The following SLC25A10 variants were observed in gnomAD, a reference collection of about 807,000 sequenced individuals.
The protein encoded by SLC25A10 is mitochondrial dicarboxylate carrier.
In SLC25A10, 32 loss-of-function variants were observed where a neutral mutation model predicts 40.4. The observed-to-expected ratio is 0.79, with a 90% confidence interval of 0.60 to 1.06. The LOEUF is 1.06. Ranked by LOEUF, SLC25A10 falls within the 50% of genes least tolerant of loss-of-function variation. The pLI is 0.00. For missense variants in SLC25A10, 394 were observed against 402.6 expected (o/e 0.98, Z 0.18); for synonymous variants, 181 against 171.1 (o/e 1.06, Z -0.45).
chr17:81,717,603 G>A (rs927229321), intron 8 of SLC25A10, 112 bp downstream of exon 8: 5 of 1,350,774 alleles, frequency 3.7e-6, no homozygotes, highest in Non-Finnish European at 5.2e-6. Flanking sequence ...ATCTGGCAGT[G>A]CCCCCTGGGG....
intron 1 of SLC25A10, among the ~76,000 whole-genome samples, chr17:81,713,938 C>T (rs1383556313): frequency 2.0e-5 from 3 of 152,222 alleles, no homozygotes; most frequent in Non-Finnish European, 4.4e-5. Context: ...GAGGACTGCT[C>T]ACCAGGCCTC....
Position 81,715,055 on chromosome 17 carries a change from G to A in SLC25A10, c.196G>A (p.Ala66Thr), listed in dbSNP as rs766798554. 32 of 1,609,646 alleles carry A rather than the reference G, an allele frequency of 2.0e-5. No individual in the cohort carries two copies. Among genetic ancestry groups the A allele is most frequent in the East Asian group, 1.1e-4 (5 of 44,880 alleles). ...CCTGGCACTCTACAGCGGCCTGAGC[G>A]CCTCGCTGTGCAGACAGGTGCGTGG... is the stretch of plus-strand genomic sequence containing the variant. Reference protein sequence around the residue: ...GILALYSGLSASLCRQMTYSL... With the variant: ...GILALYSGLSTSLCRQMTYSL... Residue 66 changes from alanine to threonine, a missense_variant, in exon 2 of 11, where the codon GCC (alanine) becomes ACC (threonine). By Grantham distance (58) the Ala-to-Thr change is moderately conservative (BLOSUM62 0). Coordinates refer to ENST00000350690, the MANE Select transcript of SLC25A10 (RefSeq NM_012140.5).
At chr17:81,717,537 G>A (rs1265688615) in intron 8 of SLC25A10, 46 bp downstream of exon 8, 1 of 1,597,516 alleles carries the variant, frequency 6.3e-7, no homozygotes, top group South Asian at 1.1e-5. Flanking sequence ...GGCCGGCCTT[G>A]GGCGCTGAGG....
intron 1 of SLC25A10, chr17:81,713,533 A>G: frequency 7.2e-6 from 7 of 978,352 alleles, no homozygotes; most frequent in South Asian, 4.7e-5. Flanking sequence ...GTCTTGGGGC[A>G]CCTGAGACCT....
intron 1 of SLC25A10, among the ~76,000 whole-genome samples, chr17:81,714,478 C>T (rs897593458): frequency 6.6e-6 from 1 of 152,244 alleles, no homozygotes; most frequent in Non-Finnish European, 1.5e-5. Flanking sequence ...CCTTTCAAGG[C>T]CTTCTATGGC....
rs143207521 is a variant in SLC25A10 at position 81,715,498 on chromosome 17, G to C, written c.234G>C (p.Arg78=). 1.2e-6 allele frequency: 2 copies of C among 1,612,656 alleles called. No homozygotes were observed. The highest frequency in any genetic ancestry group is 2.7e-5 in the African/African-American group (2 of 74,912). ...LCRQMTYSLT[R]FAIYETVRDR... is the part of the protein sequence containing the mutation. ...CCCAGATGACCTACTCCCTGACTCG[G>C]TTCGCCATCTACGAGACTGTGCGGG... The change falls in exon 3 of 11, where the codon CGG becomes CGC. Residue 78 remains arginine (R), a synonymous_variant. Transcript: ENST00000350690.
intron 1 of SLC25A10, chr17:81,713,610 C>A: frequency 6.7e-6 from 3 of 450,816 alleles, no homozygotes; most frequent in Non-Finnish European, 8.8e-6. Context: ...GAGATGCAGC[C>A]ACAGCGACAG....
chr17:81,717,310 C>A, intron 7 of SLC25A10, 89 bp from the exon 8 acceptor site: 1 of 1,316,026 alleles, frequency 7.6e-7, no homozygotes, highest in Non-Finnish European at 1.1e-6. Context: ...GGTGCTTGGC[C>A]ATTGCCAGGT....
In SLC25A10 at chr17:81,712,341, C is replaced by T. The variant is rs1352469772; in HGVS notation, c.-86C>T. ...GGCGCTTTGAACCGGGCGCGGGGCGCGGGGCGCGGGGCGCTGCGGCCGGTA... is the reference window on the plus strand; with the variant it reads ...GGCGCTTTGAACCGGGCGCGGGGCGTGGGGCGCGGGGCGCTGCGGCCGGTA... On this transcript the variant is annotated 5_prime_UTR_variant, in exon 1 of 11. Transcript: ENST00000350690. 7.5e-6 allele frequency: 7 copies of T among 927,538 alleles called. No homozygotes were observed. Among genetic ancestry groups the T allele is most frequent in the African/African-American group, 3.5e-5 (2 of 57,124 alleles). 57.5% of individuals were successfully genotyped at this position (927,538 alleles called of 1,614,324 possible).
chr17:81,720,469 G>C lies in SLC25A10; in HGVS notation c.*392G>C. On this transcript the variant is annotated 3_prime_UTR_variant, in exon 11 of 11. Transcript: ENST00000350690. Reference sequence around the variant, plus strand: ...TTCCAGCACTTTCCATCGAGGACTTGGGTGGCAGAGTGTGGGTGCAGCCTG... The same window carrying C: ...TTCCAGCACTTTCCATCGAGGACTTCGGTGGCAGAGTGTGGGTGCAGCCTG... The C allele has an allele frequency of 7.5e-7, 1 of 1,324,996 alleles. No homozygotes were observed. The highest frequency in any genetic ancestry group is 9.6e-7 in the Non-Finnish European group (1 of 1,043,198). 82.1% of individuals were successfully genotyped at this position (1,324,996 alleles called of 1,614,324 possible). A position where few individuals can be genotyped will look rare whatever the true frequency, so the allele number is the denominator to read the frequency against.
chr17:81,716,104 G>A, intron 5 of SLC25A10, 54 bp downstream of exon 5: 2 of 1,551,376 alleles, frequency 1.3e-6, no homozygotes, highest in African/African-American at 1.4e-5. Context: ...GCTCGGGCGG[G>A]AGCGGACCCC....
intron 1 of SLC25A10, 35 bp from the exon 2 acceptor site, chr17:81,714,918 G>A (rs765261249): frequency 5.0e-6 from 8 of 1,601,000 alleles, no homozygotes; most frequent in Admixed American, 3.3e-5. Flanking sequence ...ATCCCTCGGG[G>A]TCGCTGTGGG....
intron 5 of SLC25A10, 188 bp from the exon 6 acceptor site, chr17:81,716,624 G>T: frequency 1.6e-6 from 1 of 615,624 alleles, no homozygotes; most frequent in Non-Finnish European, 2.9e-6. Flanking sequence ...CTCCCTGAGG[G>T]CCGGGCGGGG....
intron 9 of SLC25A10, among the ~76,000 whole-genome samples, chr17:81,719,592 C>T (rs1242464718): frequency 6.6e-6 from 1 of 152,232 alleles, no homozygotes; most frequent in Non-Finnish European, 1.5e-5. Flanking sequence ...CCCCGGGCTG[C>T]ACCCTCGGGC....
At chr17:81,712,627 C>A in intron 1 of SLC25A10, 108 bp downstream of exon 1, 1 of 819,982 alleles carries the variant, frequency 1.2e-6, no homozygotes, top group Non-Finnish European at 1.6e-6. Flanking sequence ...GCGCCCGGGG[C>A]TCCCTCCTGG....
rs762385879 is a variant in SLC25A10 at position 81,719,984 on chromosome 17, C to G, written c.771C>G (p.Val257=). Residue 257 remains valine, a synonymous_variant, in exon 11 of 11, where the codon GTC becomes GTG. Coordinates refer to ENST00000350690, the MANE Select transcript of SLC25A10 (RefSeq NM_012140.5). ...LGPLAFYKGL[V]PAGIRLIPHT... ...TCCCTGTCTCCCTCCAGGGCCTCGT[C>G]CCAGCTGGCATCCGCCTCATCCCCC... The G allele has an allele frequency of 1.2e-6, 2 of 1,613,838 alleles. No homozygotes were observed. Among genetic ancestry groups the G allele is most frequent in the Non-Finnish European group, 1.7e-6 (2 of 1,180,026 alleles).
Position 81,713,345 on chromosome 17 carries a change from C to T in SLC25A10, c.93+826C>T, listed in dbSNP as rs529619905. ...GGGCCTGAGGCTTTGCACAGTCTGC[C>T]CAGCAGGCCCTGCCCTGTGAACCTG... On this transcript the variant is annotated intron_variant, in intron 1 of 10. Coordinates refer to ENST00000350690, the MANE Select transcript of SLC25A10 (RefSeq NM_012140.5). 3.5e-5 allele frequency: 19 copies of T among 545,224 alleles called. No individual in the cohort carries two copies. The South Asian group carries it at 1.3e-3, about 37-fold the overall frequency. The allele number at this position is 545,224 out of a possible 1,614,324, so 33.8% of individuals were successfully genotyped here.
chr17:81,714,646 C>T (rs903006159), intron 1 of SLC25A10, among the ~76,000 whole-genome samples: 1 of 152,208 alleles, frequency 6.6e-6, no homozygotes, highest in African/African-American at 2.4e-5. Context: ...GGTGCGTTAC[C>T]TCTCCATGCC....
chr17:81,716,683 A>C, intron 5 of SLC25A10, 129 bp from the exon 6 acceptor site: 5 of 878,550 alleles, frequency 5.7e-6, no homozygotes, highest in Non-Finnish European at 8.8e-6. Flanking sequence ...GTTCCCAGGG[A>C]GAGATCTTCA....
Sources: gnomAD v4.1 joint callset for allele counts (sites outside exome capture counted in the v4.1 genomes callset) on GRCh38, gnomAD v4.1.1 for gene constraint, MANE v1.5 for transcripts, NCBI Gene and HGNC (gene_info 2026-07-23, HGNC 2026-07-21) for gene names.